CCER2: variants seen among roughly 807,000 people sequenced by gnomAD.
CCER2 encodes the protein coiled-coil domain-containing glutamate-rich protein 2.
In CCER2, 20 loss-of-function variants were observed where a neutral mutation model predicts 27.1. The ratio of observed to expected loss-of-function variants is 0.74; its 90% CI spans 0.52 to 1.07. The LOEUF (loss-of-function observed/expected upper bound fraction) is 1.07, where lower values mean the gene tolerates loss of function less well. CCER2 is among the 50% of genes least tolerant of loss of function. CCER2 has a pLI of 0.00. For synonymous variants in CCER2, 140 were observed against 144.3 expected, an observed-to-expected ratio of 0.97 and a Z score of 0.21; for missense variants, 351 against 344.7, an observed-to-expected ratio of 1.02 and a Z score of -0.14.
rs1319419106 is a variant in CCER2 at position 38,911,848 on chromosome 19, G to A, written c.66C>T (p.Thr22=). The stretch of plus-strand genomic sequence containing the variant: ...AGGGTCTCGGTGCCAAGGGAGCAGC[G>A]GTGGCTGTGGAGAAAGGAGATGGCA... ...LLRLLLLGAA[T]AAPLAPRPSK... is the part of the protein sequence containing the mutation. Residue 22 remains threonine, a synonymous_variant, in exon 2 of 5, where the codon ACC becomes ACT. Transcript: ENST00000571838. 1.1e-5 allele frequency: 17 copies of A among 1,534,960 alleles called. No individual in the cohort carries two copies. Among genetic ancestry groups the A allele is most frequent in the Admixed American group, 9.8e-5 (5 of 50,952 alleles).
In CCER2 at chr19:38,910,951, ACCTCCTCCT is replaced by A; in HGVS notation, c.314_322del (p.Glu105_Glu107del). 6.6e-7 allele frequency: 1 copy of A among 1,516,552 alleles called. No homozygotes were observed. Among genetic ancestry groups the A allele is most frequent in the Non-Finnish European group, 8.8e-7 (1 of 1,137,320 alleles). The allele number at this position is 1,516,552 out of a possible 1,614,324, so 93.9% of individuals were successfully genotyped here. On this transcript the variant is annotated inframe_deletion, in exon 4 of 5. Transcript: ENST00000571838. ...CTCAGACTTGTGGGTCCTCTCTGCT[ACCTCCTCCT>A]CTTCCTCATCCCTCACCTCCTGGCT...
chr19:38,909,740 T>C (rs762375338), intron 4 of CCER2, among the ~76,000 whole-genome samples: 4 of 151,904 alleles, frequency 2.6e-5, no homozygotes, highest in Non-Finnish European at 5.9e-5. Flanking sequence ...GCCTGGCTGA[T>C]TTTTTGTATT....
Position 38,911,072 on chromosome 19 carries a change from T to A in CCER2, c.202A>T (p.Thr68Ser), listed in dbSNP as rs117592327. Reference sequence around the variant, plus strand: ...GTGGACGCACAGCCGTGGGGCTCTGTCCCGCACAACTCTGGCAGAAAGGGA... The same window carrying A: ...GTGGACGCACAGCCGTGGGGCTCTGACCCGCACAACTCTGGCAGAAAGGGA... Reference protein sequence around the residue: ...TALLHKELCGTEPHGCASTEE... With the variant: ...TALLHKELCGSEPHGCASTEE... Residue 68 changes from threonine to serine, a missense_variant, in exon 4 of 5, where the codon ACA becomes TCA. Physicochemically the swap from Thr to Ser is moderately conservative, Grantham distance 58. Transcript: ENST00000571838. 14,548 of 1,433,288 alleles carry A rather than the reference T, an allele frequency of 0.01. 106 individuals carry two copies. The highest frequency in any genetic ancestry group is 0.012 in the Non-Finnish European group (13,142 of 1,098,598). The allele number at this position is 1,433,288 out of a possible 1,614,324, so 88.8% of individuals were successfully genotyped here.
chr19:38,911,810 ACCT>A lies in CCER2; in HGVS notation c.101_102+1del, dbSNP rs1463722898. 7 of 1,534,580 alleles carry A rather than the reference ACCT, an allele frequency of 4.6e-6. No homozygotes were observed. Among genetic ancestry groups the A allele is most frequent in the Non-Finnish European group, 5.2e-6 (6 of 1,146,524 alleles). ...GCAGGGCAAGGCCTCCACACTCCTC[ACCT>A]CCTCCTTGGAGGGTCTCGGTGCCAA... On this transcript the variant is annotated splice_donor_variant and coding_sequence_variant, in exon 2 of 5. Coordinates refer to ENST00000571838, the MANE Select transcript of CCER2 (RefSeq NM_001243212.2). LOFTEE classifies it high-confidence loss of function.
chr19:38,910,965 C>T lies in CCER2; in HGVS notation c.309G>A (p.Glu103=). 6.6e-7 allele frequency: 1 copy of T among 1,520,164 alleles called. No individual in the cohort carries two copies. The highest frequency in any genetic ancestry group is 2.0e-5 in the Admixed American group (1 of 49,192). The allele number at this position is 1,520,164 out of a possible 1,614,324, so 94.2% of individuals were successfully genotyped here. ...TCCTCTCTGCTACCTCCTCCTCTTC[C>T]TCATCCCTCACCTCCTGGCTGGACC... is the stretch of plus-strand genomic sequence containing the variant. ...KMRSSQEVRD[E]EEEEVAERTH... The change falls in exon 4 of 5, where the codon GAG becomes GAA. Residue 103 remains glutamate, a synonymous_variant. Coordinates refer to ENST00000571838, the MANE Select transcript of CCER2 (RefSeq NM_001243212.2).
Position 38,911,031 on chromosome 19 carries a change from C to T in CCER2, c.243G>A (p.Leu81=), listed in dbSNP as rs1464174140. 1.3e-5 allele frequency: 19 copies of T among 1,475,334 alleles called. No individual in the cohort carries two copies. The South Asian group carries it at 1.9e-4, about 15-fold the overall frequency. 91.4% of individuals were successfully genotyped at this position (1,475,334 alleles called of 1,614,324 possible). ...HGCASTEEKG[L]LLGDFKKQEA... ...CCTGCTTCTTGAAATCCCCAAGCAGCAGGCCTTTCTCCTCGGTGGACGCAC... is the reference window on the plus strand; with the variant it reads ...CCTGCTTCTTGAAATCCCCAAGCAGTAGGCCTTTCTCCTCGGTGGACGCAC... Residue 81 remains leucine, a synonymous_variant, in exon 4 of 5, where the codon CTG becomes CTA. Coordinates refer to ENST00000571838, the MANE Select transcript of CCER2 (RefSeq NM_001243212.2).
chr19:38,911,482 TG>T (rs1208656612), intron 3 of CCER2, 83 bp downstream of exon 3: 8 of 1,166,472 alleles, frequency 6.9e-6, no homozygotes, highest in South Asian at 6.7e-5. Flanking sequence ...GGAGAGCATG[TG>T]GGCACCTGGG....
In CCER2 at chr19:38,911,568, T is replaced by C. The variant is rs1225875416; in HGVS notation, c.188A>G (p.Lys63Arg). 3 of 1,535,292 alleles carry C rather than the reference T, an allele frequency of 2.0e-6. No homozygotes were observed. The highest frequency in any genetic ancestry group is 1.2e-5 in the South Asian group (1 of 84,036). ...AGTGGGGCCCGGGGCCTCCTTACCC[T>C]TGTGGAGAAGAGCAGTGCAGGGTCC... The part of the protein sequence containing the change: ...QRGPCTALLH[K>R]ELCGTEPHGC... Residue 63 changes from lysine (K) to arginine (R), a missense_variant and splice_region_variant, in exon 3 of 5, where the codon AAG (lysine) becomes AGG (arginine). Lys to Arg is a conservative substitution (Grantham distance 26). Coordinates refer to ENST00000571838, the MANE Select transcript of CCER2 (RefSeq NM_001243212.2).
At chr19:38,911,282 A>G (rs1974303647) in intron 3 of CCER2, among the ~76,000 whole-genome samples, 199 bp from the exon 4 acceptor site, 1 of 152,330 alleles carries the variant, frequency 6.6e-6, no homozygotes, top group African/African-American at 2.4e-5. Context: ...TGCCCAGACT[A>G]CAGGGGGAGG....
In CCER2 at chr19:38,912,111, G is replaced by GAGCAGCCGCAGC; in HGVS notation, c.36_47dup (p.Arg14_Leu17dup). On this transcript the variant is annotated inframe_insertion, in exon 1 of 5. Coordinates refer to ENST00000571838, the MANE Select transcript of CCER2 (RefSeq NM_001243212.2). ...TCCCGCACTCACCCGCCCCCAGCAGGAGCAGCCGCAGCAGCAGCAGCTCAG... is the reference window on the plus strand; with the variant it reads ...TCCCGCACTCACCCGCCCCCAGCAGGAGCAGCCGCAGCAGCAGCCGCAGCAGCAGCAGCTCAG... 6.6e-7 allele frequency: 1 copy of GAGCAGCCGCAGC among 1,516,954 alleles called. No individual in the cohort carries two copies. Among genetic ancestry groups the GAGCAGCCGCAGC allele is most frequent in the Non-Finnish European group, 8.8e-7 (1 of 1,139,278 alleles). 94.0% of individuals were successfully genotyped at this position (1,516,954 alleles called of 1,614,324 possible).
At chr19:38,911,725 G>C in intron 2 of CCER2, 72 bp from the exon 3 acceptor site, 1 of 1,525,452 alleles carries the variant, frequency 6.6e-7, no homozygotes, top group Non-Finnish European at 8.8e-7. Context: ...CAGCTGGTTT[G>C]AGGGCAATGA....
chr19:38,909,442 T>C, intron 4 of CCER2, 117 bp from the exon 5 acceptor site: 1 of 968,856 alleles, frequency 1.0e-6, no homozygotes. Context: ...GTCGTTCTGA[T>C]CGTCGTGGAC....
Position 38,911,008 on chromosome 19 carries a change from T to C in CCER2, c.266A>G (p.Gln89Arg). Reference protein sequence around the residue: ...KGLLLGDFKKQEAGKMRSSQE... With the variant: ...KGLLLGDFKKREAGKMRSSQE... Reference sequence around the variant, plus strand: ...GCTGGACCTCATCTTCCCAGCCTCCTGCTTCTTGAAATCCCCAAGCAGCAG... The same window carrying C: ...GCTGGACCTCATCTTCCCAGCCTCCCGCTTCTTGAAATCCCCAAGCAGCAG... Residue 89 changes from glutamine (Q) to arginine (R), a missense_variant, in exon 4 of 5, where the codon CAG becomes CGG. Transcript: ENST00000571838. 2.0e-6 allele frequency: 3 copies of C among 1,493,314 alleles called. No individual in the cohort carries two copies. Among genetic ancestry groups the C allele is most frequent in the Non-Finnish European group, 1.8e-6 (2 of 1,128,460 alleles). The allele number at this position is 1,493,314 out of a possible 1,614,324, so 92.5% of individuals were successfully genotyped here.
In CCER2 at chr19:38,910,696, C is replaced by A. The variant is rs1228849474; in HGVS notation, c.578G>T (p.Gly193Val). Residue 193 changes from glycine (G) to valine (V), a missense_variant, in exon 4 of 5, where the codon GGG becomes GTG. Coordinates refer to ENST00000571838, the MANE Select transcript of CCER2 (RefSeq NM_001243212.2). ...AEEKGVRVLG[G>V]DRSLWQGAER... Reference sequence around the variant, plus strand: ...GGCCCCCTGCCACAGGCTGCGGTCCCCGCCCAGCACCCGCACCCCCTTCTC... The same window carrying A: ...GGCCCCCTGCCACAGGCTGCGGTCCACGCCCAGCACCCGCACCCCCTTCTC... 1 of 1,533,368 alleles carries A rather than the reference C, an allele frequency of 6.5e-7. No individual in the cohort carries two copies. Among genetic ancestry groups the A allele is most frequent in the Admixed American group, 2.0e-5 (1 of 50,786 alleles). 95.0% of individuals were successfully genotyped at this position (1,533,368 alleles called of 1,614,324 possible).
In CCER2 at chr19:38,910,647, G is replaced by C; in HGVS notation, c.627C>G (p.Arg209=). Residue 209 remains arginine (R), a synonymous_variant, in exon 4 of 5, where the codon CGC becomes CGG. Coordinates refer to ENST00000571838, the MANE Select transcript of CCER2 (RefSeq NM_001243212.2). ...GGTGGTGGTGGTGGGGCAAGTCCTC[G>C]CGCCTCTCTCCTCCGCCTCTCTCGG... ...QGAERGGGER[R]EDLPHHHHHH... 2 of 1,531,594 alleles carry C rather than the reference G, an allele frequency of 1.3e-6. No homozygotes were observed. Among genetic ancestry groups the C allele is most frequent in the Non-Finnish European group, 1.7e-6 (2 of 1,144,482 alleles). The allele number at this position is 1,531,594 out of a possible 1,614,324, so 94.9% of individuals were successfully genotyped here.
chr19:38,911,893 C>T, intron 1 of CCER2, 41 bp from the exon 2 acceptor site: 2 of 1,533,198 alleles, frequency 1.3e-6, no homozygotes, highest in Non-Finnish European at 1.7e-6. Flanking sequence ...GCCGCCCTGG[C>T]TGCTGTCCCC....
chr19:38,911,430 G>A (rs1471544143), intron 3 of CCER2, 136 bp downstream of exon 3: 3 of 760,256 alleles, frequency 3.9e-6, no homozygotes, highest in East Asian at 2.7e-5. Context: ...CAGGCAACAG[G>A]GCTCTGGGAA....
At position 38,912,148 on chromosome 19, in the gene CCER2, C is replaced by CG; in HGVS notation, c.10dup (p.Arg4ProfsTer6). ...CAGCAGCAGCTCAGAGGCTGGCCCT[C>CG]GGGGCGGCATGGTGGGCGTCCAACG... On this transcript the variant is annotated frameshift_variant, in exon 1 of 5. Transcript: ENST00000571838. LOFTEE classifies it high-confidence loss of function. 6.7e-7 allele frequency: 1 copy of CG among 1,495,666 alleles called. No homozygotes were observed. Among genetic ancestry groups the CG allele is most frequent in the Non-Finnish European group, 8.9e-7 (1 of 1,129,762 alleles). 92.6% of individuals were successfully genotyped at this position (1,495,666 alleles called of 1,614,324 possible).
Position 38,910,959 on chromosome 19 carries a change from C to T in CCER2, c.315G>A (p.Glu105=). The T allele has an allele frequency of 2.0e-6, 3 of 1,520,918 alleles. No individual in the cohort carries two copies. The highest frequency in any genetic ancestry group is 2.6e-6 in the Non-Finnish European group (3 of 1,139,410). 94.2% of individuals were successfully genotyped at this position (1,520,918 alleles called of 1,614,324 possible). A position where few individuals can be genotyped will look rare whatever the true frequency, so the allele number is the denominator to read the frequency against. The change falls in exon 4 of 5, where the codon GAG becomes GAA. Residue 105 remains glutamate (E), a synonymous_variant. Coordinates refer to ENST00000571838, the MANE Select transcript of CCER2 (RefSeq NM_001243212.2). ...RSSQEVRDEE[E]EEVAERTHKS... ...TGTGGGTCCTCTCTGCTACCTCCTCCTCTTCCTCATCCCTCACCTCCTGGC... is the reference window on the plus strand; with the variant it reads ...TGTGGGTCCTCTCTGCTACCTCCTCTTCTTCCTCATCCCTCACCTCCTGGC...
Sources: gnomAD v4.1 joint callset for allele counts (sites outside exome capture counted in the v4.1 genomes callset) on GRCh38, gnomAD v4.1.1 for gene constraint, MANE v1.5 for transcripts, NCBI Gene and HGNC (gene_info 2026-07-23, HGNC 2026-07-21) for gene names.